Variants in ASPH observed in about 807,000 individuals in gnomAD.
The protein encoded by ASPH is aspartyl/asparaginyl beta-hydroxylase.
In ASPH, 100 loss-of-function variants were observed where a neutral mutation model predicts 118.4. That is an observed-to-expected ratio of 0.84 (90% CI 0.72 to 1.00). ASPH has a LOEUF of 1.00. ASPH is among the 50% of genes least tolerant of loss of function. ASPH has a pLI of 0.00. For synonymous variants in ASPH, 315 were observed against 325.6 expected (o/e 0.97, Z 0.35); for missense variants, 920 against 919.5 (o/e 1.00, Z -0.01).
chr8:61,579,381 A>T, intron 15 of ASPH: 3 of 1,614,082 alleles, frequency 1.9e-6, no homozygotes, highest in South Asian at 1.1e-5. Flanking sequence ...GGACATCGAG[A>T]TCGCCACCTA....
intron 3 of ASPH, among the ~76,000 whole-genome samples, chr8:61,654,138 C>T (rs1425813961): frequency 2.0e-5 from 3 of 152,110 alleles, no homozygotes; most frequent in African/African-American, 7.2e-5. Context: ...TCATACATAA[C>T]TATTTATTAT....
intron 1 of ASPH, among the ~76,000 whole-genome samples, chr8:61,692,555 T>A (rs13262237): frequency 7.6e-4 from 115 of 152,148 alleles, no homozygotes; most frequent in African/African-American, 2.7e-3. Flanking sequence ...CCAGGACATA[T>A]GCCCACTGAG....
At chr8:61,581,595 G>A (rs1204024800) in intron 15 of ASPH, among the ~76,000 whole-genome samples, 2 of 152,162 alleles carry the variant, frequency 1.3e-5, no homozygotes, top group Non-Finnish European at 2.9e-5. Flanking sequence ...TCTGGACTTG[G>A]AGCAGAACAG....
chr8:61,540,614 T>C (rs1821486892), intron 21 of ASPH, among the ~76,000 whole-genome samples: 2 of 152,198 alleles, frequency 1.3e-5, no homozygotes, highest in South Asian at 4.1e-4. Context: ...GTCTCAGGTA[T>C]TTCTTTATAG....
intron 12 of ASPH, among the ~76,000 whole-genome samples, chr8:61,637,534 C>CA (rs769327983): frequency 5.1e-4 from 73 of 144,264 alleles, no homozygotes; most frequent in East Asian, 6.0e-4. Context: ...TCTCCACCAC[C>CA]AAAAAAAAAA....
intron 3 of ASPH, chr8:61,657,051 A>T (rs1814078641): frequency 6.6e-6 from 1 of 152,256 alleles, no homozygotes. Context: ...AGAAACTTAA[A>T]AAATAAGAAA....
chr8:61,650,042 C>A (rs957400936), intron 5 of ASPH, among the ~76,000 whole-genome samples: 6 of 152,150 alleles, frequency 3.9e-5, no homozygotes, highest in East Asian at 1.9e-4. Context: ...TTCTGACCCC[C>A]CTTCTGAGTA....
rs1171248973 is a variant in ASPH, at chr8:61,503,284, T to C, written c.*75A>G. On this transcript the variant is annotated 3_prime_UTR_variant, in exon 25 of 25. Coordinates refer to ENST00000379454, the MANE Select transcript of ASPH (RefSeq NM_004318.4). ...AATTGACTCTTGGTGTTCGAAATTC[T>C]ATCCTCACACCCAAGGAGATGGAAC... 2 of 1,489,158 alleles carry C rather than the reference T, an allele frequency of 1.3e-6. No homozygotes were observed. The highest frequency in any genetic ancestry group is 1.8e-6 in the Non-Finnish European group (2 of 1,112,218). The allele number at this position is 1,489,158 out of a possible 1,614,324, so 92.2% of individuals were successfully genotyped here. A position where few individuals can be genotyped will look rare whatever the true frequency, so the allele number is the denominator to read the frequency against.
chr8:61,519,963 C>T (rs539834812), intron 22 of ASPH, among the ~76,000 whole-genome samples: 1 of 152,288 alleles, frequency 6.6e-6, no homozygotes, highest in African/African-American at 2.4e-5. Context: ...ACTAATACAT[C>T]CCCTAAAGAA....
intron 14 of ASPH, among the ~76,000 whole-genome samples, chr8:61,598,755 G>A (rs1843124254): frequency 6.6e-6 from 1 of 152,164 alleles, no homozygotes; most frequent in Non-Finnish European, 1.5e-5. Context: ...CACAGAACAT[G>A]TCTTGACAAA....
chr8:61,689,872 C>T (rs938966454), intron 1 of ASPH: 1 of 1,331,694 alleles, frequency 7.5e-7, no homozygotes, highest in Non-Finnish European at 9.7e-7. Flanking sequence ...ACAAACTCTG[C>T]TCACCAGTTA....
chr8:61,632,707 T>C, intron 13 of ASPH: 1 of 459,508 alleles, frequency 2.2e-6, no homozygotes, highest in Non-Finnish European at 4.3e-6. Context: ...GCAGGACAAC[T>C]ATCAAAACCT....
intron 13 of ASPH, chr8:61,626,037 T>C: frequency 8.1e-7 from 1 of 1,227,834 alleles, no homozygotes; most frequent in Non-Finnish European, 1.0e-6. Context: ...ACTAATGCTA[T>C]CAAAAGGGAC....
At chr8:61,696,513 C>T (rs376863548) in intron 1 of ASPH, among the ~76,000 whole-genome samples, 2 of 152,060 alleles carry the variant, frequency 1.3e-5, no homozygotes, top group East Asian at 1.9e-4. Flanking sequence ...TTGTGATGGA[C>T]CCAAACACCA....
intron 24 of ASPH, among the ~76,000 whole-genome samples, chr8:61,515,943 C>T (rs1449241020): frequency 6.6e-6 from 1 of 152,156 alleles, no homozygotes; most frequent in African/African-American, 2.4e-5. Flanking sequence ...CCCACTGTCC[C>T]CATAGGATTC....
intron 3 of ASPH, chr8:61,664,711 GGAACGGCCCCC>G: frequency 1.0e-6 from 1 of 986,168 alleles, no homozygotes. Flanking sequence ...AAAAGCCTGA[GGAACGGCCCCC>G]TGAAAGGCTG....
At chr8:61,706,698 G>A (rs915984095) in intron 1 of ASPH, among the ~76,000 whole-genome samples, 2 of 152,150 alleles carry the variant, frequency 1.3e-5, no homozygotes, top group Non-Finnish European at 2.9e-5. Flanking sequence ...AGGTCCCAAA[G>A]CAGCAAACAC....
At chr8:61,649,775 A>G (rs1809957557) in intron 5 of ASPH, among the ~76,000 whole-genome samples, 1 of 151,794 alleles carries the variant, frequency 6.6e-6, no homozygotes, top group African/African-American at 2.4e-5. Context: ...CTAATCTCCC[A>G]GCTGCACTCT....
intron 14 of ASPH, among the ~76,000 whole-genome samples, chr8:61,600,942 C>T (rs1563971199): frequency 6.6e-6 from 1 of 151,310 alleles, no homozygotes; most frequent in African/African-American, 2.5e-5. Context: ...AGCTGAAGTG[C>T]CTGCCTGTGT....
Sources: allele counts gnomAD v4.1 joint callset (sites outside exome capture counted in the v4.1 genomes callset), GRCh38; gene constraint gnomAD v4.1.1; transcripts MANE v1.5; gene names NCBI Gene and HGNC (gene_info 2026-07-23, HGNC 2026-07-21).